Variants in NKAIN3 observed in about 807,000 individuals in gnomAD.
NKAIN3 encodes the protein sodium/potassium transporting ATPase interacting 3.
NKAIN3 carries 25 observed loss-of-function variants against 30.2 expected under a neutral mutation model. That is an observed-to-expected ratio of 0.83 (90% CI 0.60 to 1.16). NKAIN3 has a LOEUF of 1.16. NKAIN3 is among the 50% of genes most tolerant of loss of function. The probability of loss-of-function intolerance (pLI) is 0.00; values close to 1 mark genes in which losing one functional copy is unlikely to be tolerated. For missense variants in NKAIN3, 225 were observed against 254.1 expected (o/e 0.89, Z 0.78); for synonymous variants, 91 against 89.6 (o/e 1.02, Z -0.09).
intron 1 of NKAIN3, among the ~76,000 whole-genome samples, chr8:62,376,574 C>T (rs1483433526): frequency 3.3e-5 from 5 of 152,194 alleles, no homozygotes; most frequent in South Asian, 2.1e-4. Context: ...CACTCTGCAT[C>T]TTGGCCTGTC....
chr8:62,595,739 CT>C (rs1362513548), intron 3 of NKAIN3, among the ~76,000 whole-genome samples: 1 of 151,960 alleles, frequency 6.6e-6, no homozygotes, highest in Non-Finnish European at 1.5e-5. Context: ...ACAACTCTAA[CT>C]GCTTCCTGTT....
intron 1 of NKAIN3, among the ~76,000 whole-genome samples, chr8:62,340,088 A>C (rs1815692505): frequency 6.6e-6 from 1 of 152,104 alleles, no homozygotes; most frequent in South Asian, 2.1e-4. Flanking sequence ...TTTATTTAAC[A>C]AAGTTTTATG....
chr8:62,340,826 C>G (rs73684958), intron 1 of NKAIN3, among the ~76,000 whole-genome samples: 1 of 151,868 alleles, frequency 6.6e-6, no homozygotes, highest in Non-Finnish European at 1.5e-5. Flanking sequence ...GTGGTTTGCT[C>G]GGAGGCAAGG....
At chr8:62,568,333 C>A (rs1429651444) in intron 1 of NKAIN3, among the ~76,000 whole-genome samples, 1 of 152,124 alleles carries the variant, frequency 6.6e-6, no homozygotes, top group Non-Finnish European at 1.5e-5. Context: ...ATAGGGATAG[C>A]ATCAGATTAG....
At chr8:62,618,446 A>G (rs908694973) in intron 3 of NKAIN3, among the ~76,000 whole-genome samples, 2 of 152,132 alleles carry the variant, frequency 1.3e-5, no homozygotes, top group African/African-American at 4.8e-5. Context: ...AGTTCAAAGC[A>G]GCTGTCTCAT....
chr8:62,411,235 G>C (rs1804227699), intron 1 of NKAIN3, among the ~76,000 whole-genome samples: 1 of 152,136 alleles, frequency 6.6e-6, no homozygotes, highest in Admixed American at 6.5e-5. Flanking sequence ...GGGATGCAAG[G>C]CTGGTTTAAC....
rs991925074 is a variant in NKAIN3, at chr8:62,959,342, T to C, written c.603+5370T>C. 1.1e-4 allele frequency among the ~76,000 whole-genome samples: 17 copies of C among 152,176 alleles called. No individual in the cohort carries two copies. In the South Asian group the frequency reaches 1.5e-3, roughly 13 times the overall value. ...CTCTGCACTTTCCTGAGAACAGCTG[T>C]TTTGCATTAGTACCCCTATATGTAA... On this transcript the variant is annotated intron_variant, in intron 6 of 6. Coordinates refer to ENST00000623646, the MANE Select transcript of NKAIN3 (RefSeq NM_001304533.3).
intron 4 of NKAIN3, among the ~76,000 whole-genome samples, chr8:62,811,381 T>C (rs1230496755): frequency 1.3e-5 from 2 of 152,108 alleles, no homozygotes; most frequent in African/African-American, 4.8e-5. Context: ...CTGTGATAAA[T>C]GCTTAAAAGT....
intron 3 of NKAIN3, among the ~76,000 whole-genome samples, chr8:62,673,976 A>T (rs1223207612): frequency 6.6e-6 from 1 of 152,200 alleles, no homozygotes; most frequent in African/African-American, 2.4e-5. Context: ...AATAATTTCC[A>T]GGTTCTAGTG....
intron 1 of NKAIN3, among the ~76,000 whole-genome samples, chr8:62,397,866 G>T (rs1347545406): frequency 1.3e-5 from 2 of 152,126 alleles, no homozygotes; most frequent in African/African-American, 4.8e-5. Flanking sequence ...GGGAAACACA[G>T]AACTTATAAA....
chr8:62,833,751 G>A (rs898429610), intron 4 of NKAIN3, among the ~76,000 whole-genome samples: 2 of 150,734 alleles, frequency 1.3e-5, no homozygotes, highest in Admixed American at 1.3e-4. Flanking sequence ...GATGTACAAA[G>A]AAGAGCTGAT....
At chr8:62,461,173 C>T (rs556918198) in intron 1 of NKAIN3, among the ~76,000 whole-genome samples, 1 of 152,266 alleles carries the variant, frequency 6.6e-6, no homozygotes, top group East Asian at 1.9e-4. Context: ...TAGAGTCCCT[C>T]AGCAAAGACA....
At chr8:62,377,623 G>A (rs1304209235) in intron 1 of NKAIN3, among the ~76,000 whole-genome samples, 1 of 152,144 alleles carries the variant, frequency 6.6e-6, no homozygotes, top group Non-Finnish European at 1.5e-5. Flanking sequence ...TTGTGGGAAG[G>A]ACCTGGTGGG....
chr8:62,377,700 G>A (rs1296007095), intron 1 of NKAIN3, among the ~76,000 whole-genome samples: 3 of 152,098 alleles, frequency 2.0e-5, no homozygotes, highest in Non-Finnish European at 4.4e-5. Context: ...GTTCTCATGA[G>A]ATCTGATGGT....
chr8:62,291,419 G>C (rs1813620518), intron 1 of NKAIN3, among the ~76,000 whole-genome samples: 1 of 152,196 alleles, frequency 6.6e-6, no homozygotes, highest in Non-Finnish European at 1.5e-5. Context: ...ATGTGTCCCA[G>C]AGTTTCTGGT....
intron 4 of NKAIN3, among the ~76,000 whole-genome samples, chr8:62,901,414 G>A (rs575669026): frequency 4.6e-5 from 7 of 152,116 alleles, no homozygotes; most frequent in Non-Finnish European, 7.3e-5. Context: ...AGGTTAGCCT[G>A]GAAAACACAG....
intron 3 of NKAIN3, among the ~76,000 whole-genome samples, chr8:62,679,934 T>G (rs1813600066): frequency 1.3e-5 from 2 of 152,150 alleles, no homozygotes; most frequent in Non-Finnish European, 2.9e-5. Context: ...GGACCTTAAA[T>G]AATAATCCTG....
intron 1 of NKAIN3, among the ~76,000 whole-genome samples, chr8:62,325,441 A>T (rs1815083180): frequency 6.6e-6 from 1 of 152,136 alleles, no homozygotes; most frequent in South Asian, 2.1e-4. Context: ...TGCTATAAAC[A>T]TGCATGTCCA....
chr8:62,720,591 G>A (rs1221410087), intron 3 of NKAIN3, among the ~76,000 whole-genome samples: 1 of 152,162 alleles, frequency 6.6e-6, no homozygotes, highest in East Asian at 1.9e-4. Context: ...CAGGCAGTCA[G>A]TCTTTCTGAC....
Sources: gnomAD v4.1 joint callset for allele counts (sites outside exome capture counted in the v4.1 genomes callset) on GRCh38, gnomAD v4.1.1 for gene constraint, MANE v1.5 for transcripts, NCBI Gene and HGNC (gene_info 2026-07-23, HGNC 2026-07-21) for gene names.